The following MEI1 variants were observed in gnomAD, a reference collection of about 807,000 sequenced individuals.
MEI1 encodes meiosis inhibitor protein 1.
A neutral mutation model predicts 146.2 loss-of-function variants in MEI1; 103 were observed. The ratio of observed to expected loss-of-function variants is 0.70; its 90% confidence interval spans 0.60 to 0.83. The LOEUF is 0.83. Ranked by LOEUF, MEI1 falls within the 40% of genes least tolerant of loss-of-function variation. The pLI, the probability that MEI1 is intolerant of heterozygous loss-of-function variation, is 0.00. For missense variants in MEI1, 1,529 were observed against 1,533.0 expected, an observed-to-expected ratio of 1.00 and a Z score of 0.04; for synonymous variants, 652 against 628.2, an observed-to-expected ratio of 1.04 and a Z score of -0.57.
chr22:41,745,199 G>A (rs1298620694), intron 13 of MEI1, 135 bp downstream of exon 13: 8 of 606,968 alleles, frequency 1.3e-5, no homozygotes, highest in African/African-American at 7.7e-5. Flanking sequence ...TTTGGCTGGG[G>A]TAGGGGTTGG....
intron 19 of MEI1, 68 bp downstream of exon 19, chr22:41,763,389 CATG>C: frequency 7.1e-6 from 11 of 1,548,494 alleles, no homozygotes; most frequent in South Asian, 2.4e-5. Flanking sequence ...CCTGGGAGAC[CATG>C]ATGATGATAG....
intron 3 of MEI1, among the ~76,000 whole-genome samples, chr22:41,705,866 C>A (rs190318784): frequency 6.6e-6 from 1 of 151,806 alleles, no homozygotes; most frequent in South Asian, 2.1e-4. Context: ...TGCCACCACA[C>A]CCAGCTAATT....
At chr22:41,726,823 G>C (rs2071399879) in intron 7 of MEI1, among the ~76,000 whole-genome samples, 1 of 151,638 alleles carries the variant, frequency 6.6e-6, no homozygotes, top group Non-Finnish European at 1.5e-5. Context: ...GCCCAGGCTG[G>C]AGTGCAGTGG....
chr22:41,798,116 AACACAC>A (rs60766866), intron 30 of MEI1, among the ~76,000 whole-genome samples: 8,512 of 135,632 alleles, frequency 0.063, 232 homozygotes, highest in African/African-American at 0.079. Flanking sequence ...TCCTCAGCCC[AACACAC>A]ACACACACAC....
chr22:41,748,102 TG>T lies in MEI1; in HGVS notation c.1681-4del. 1 of 1,607,666 alleles carries T rather than the reference TG, an allele frequency of 6.2e-7. No individual in the cohort carries two copies. The highest frequency in any genetic ancestry group is 8.5e-7 in the Non-Finnish European group (1 of 1,174,256). On this transcript the variant is annotated splice_region_variant and splice_polypyrimidine_tract_variant and intron_variant, in intron 14 of 30. Transcript: ENST00000401548. ...GGCTGTGTTCTCTCTCCTGGTTCTTTGCAGAGACACTTGGAGCAGACCACCC... is the reference window on the plus strand; with the variant it reads ...GGCTGTGTTCTCTCTCCTGGTTCTTTCAGAGACACTTGGAGCAGACCACCC...
In MEI1 at chr22:41,705,509, T is replaced by C; in HGVS notation, c.304T>C (p.Leu102=). 1 of 1,613,228 alleles carries C rather than the reference T, an allele frequency of 6.2e-7. No individual in the cohort carries two copies. The highest frequency in any genetic ancestry group is 8.5e-7 in the Non-Finnish European group (1 of 1,179,380). ...IHFISVLFGL[L]CSMEDGSVTD... Reference sequence around the variant, plus strand: ...TTACCTCCCTCTGCTCCAAGGACTATTATGCAGCATGGAAGATGGGAGTGT... The same window carrying C: ...TTACCTCCCTCTGCTCCAAGGACTACTATGCAGCATGGAAGATGGGAGTGT... Residue 102 remains leucine, a synonymous_variant, in exon 3 of 31, where the codon TTA becomes CTA. Coordinates refer to ENST00000401548, the MANE Select transcript of MEI1 (RefSeq NM_152513.4).
At chr22:41,707,231 G>A (rs1291611007) in intron 3 of MEI1, among the ~76,000 whole-genome samples, 1 of 151,970 alleles carries the variant, frequency 6.6e-6, no homozygotes, top group Admixed American at 6.6e-5. Context: ...GGTTAAGTAG[G>A]TAACTGAAGA....
At chr22:41,793,313 G>A (rs1316731035) in intron 26 of MEI1, among the ~76,000 whole-genome samples, 2 of 151,672 alleles carry the variant, frequency 1.3e-5, no homozygotes, top group Non-Finnish European at 1.5e-5. Context: ...ACAGGTGTGA[G>A]CCACCACGAT....
chr22:41,717,360 G>A (rs1256864681), intron 5 of MEI1, among the ~76,000 whole-genome samples: 10 of 151,890 alleles, frequency 6.6e-5, no homozygotes, highest in African/African-American at 1.7e-4. Flanking sequence ...GTGGGGTTTC[G>A]CCATGTTGGC....
chr22:41,730,178 A>T (rs141848051), intron 8 of MEI1, among the ~76,000 whole-genome samples: 26 of 152,290 alleles, frequency 1.7e-4, no homozygotes, highest in African/African-American at 5.8e-4. Context: ...GAGATGGGAT[A>T]AAAAGTCAAG....
Position 41,778,772 on chromosome 22 carries a change from G to A in MEI1, c.2775G>A (p.Glu925=), listed in dbSNP as rs1487519201. 1.2e-6 allele frequency: 2 copies of A among 1,608,754 alleles called. No individual in the cohort carries two copies. The highest frequency in any genetic ancestry group is 8.5e-7 in the Non-Finnish European group (1 of 1,177,668). The change falls in exon 22 of 31, where the codon GAG becomes GAA. Residue 925 remains glutamate (E), a synonymous_variant. Coordinates refer to ENST00000401548, the MANE Select transcript of MEI1 (RefSeq NM_152513.4). ...LSLMQLRNVS[E]QELDSVAMKL... ...TGATGCAGCTCAGGAATGTGTCAGA[G>A]CAAGAACTGGACAGCGTGGCCATGA... is the stretch of plus-strand genomic sequence containing the variant.
intron 19 of MEI1, among the ~76,000 whole-genome samples, chr22:41,765,174 C>T (rs2074762347): frequency 6.6e-6 from 1 of 152,146 alleles, no homozygotes; most frequent in South Asian, 2.1e-4. Flanking sequence ...TGCCACCACG[C>T]CCAGCTAATT....
At chr22:41,770,199 T>G (rs1396961560) in intron 19 of MEI1, among the ~76,000 whole-genome samples, 1 of 151,938 alleles carries the variant, frequency 6.6e-6, no homozygotes, top group East Asian at 1.9e-4. Context: ...GGCCCTATGC[T>G]AAGTGCACAG....
At chr22:41,782,247 A>G (rs2075785388) in intron 24 of MEI1, among the ~76,000 whole-genome samples, 1 of 152,198 alleles carries the variant, frequency 6.6e-6, no homozygotes, top group Non-Finnish European at 1.5e-5. Flanking sequence ...AATTCAGGAC[A>G]TGCTCTGTAT....
intron 19 of MEI1, among the ~76,000 whole-genome samples, chr22:41,763,943 CTTTTTTT>C (rs71184839): frequency 3.8e-4 from 35 of 91,554 alleles, no homozygotes; most frequent in Non-Finnish European, 5.7e-4. Context: ...GGGAAGTTTC[CTTTTTTT>C]TTTTTTTTTT....
At chr22:41,713,536 G>GT (rs1212632340) in intron 3 of MEI1, among the ~76,000 whole-genome samples, 1 of 150,998 alleles carries the variant, frequency 6.6e-6, no homozygotes, top group Non-Finnish European at 1.5e-5. Context: ...ACACATAGTT[G>GT]TTTTTTTGTT....
rs373131973 is a variant in MEI1, at chr22:41,732,236, C to A, written c.1097-9C>A. The A allele has an allele frequency of 9.4e-6, 15 of 1,600,920 alleles. No homozygotes were observed. In the African/African-American group the frequency reaches 1.9e-4, roughly 20 times the overall value. Reference sequence around the variant, plus strand: ...GATCCCTGGCCTCTGTCATGTCATCCTGTGGTAGGGATCGAGGCAGTGGTG... The same window carrying A: ...GATCCCTGGCCTCTGTCATGTCATCATGTGGTAGGGATCGAGGCAGTGGTG... On this transcript the variant is annotated splice_polypyrimidine_tract_variant and intron_variant, in intron 9 of 30. Transcript: ENST00000401548.
In MEI1 at chr22:41,794,379, G is replaced by A. The variant is rs553284855; in HGVS notation, c.3436G>A (p.Val1146Met). Residue 1146 changes from valine (V) to methionine (M), a missense_variant, in exon 28 of 31, where the codon GTG becomes ATG. Coordinates refer to ENST00000401548, the MANE Select transcript of MEI1 (RefSeq NM_152513.4). ...CCCAGTGTTTCTTGAAGCTCTCCAC[G>A]TGGCCTCCCAGCCTTGGAATCGGTT... ...DARSPDIALHVASQPWNRFLL... is the reference protein window; with the variant it reads ...DARSPDIALHMASQPWNRFLL... The A allele has an allele frequency of 9.3e-6, 15 of 1,613,730 alleles. No individual in the cohort carries two copies. The South Asian group carries it at 9.9e-5, about 11-fold the overall frequency.
chr22:41,713,980 T>C (rs2069856306), intron 3 of MEI1, 22 bp from the exon 4 acceptor site: 1 of 1,566,486 alleles, frequency 6.4e-7, no homozygotes, highest in African/African-American at 1.4e-5. Flanking sequence ...TCCTGGTTAG[T>C]AATACTGTTG....
Sources: gnomAD v4.1 joint callset for allele counts (sites outside exome capture counted in the v4.1 genomes callset) on GRCh38, gnomAD v4.1.1 for gene constraint, MANE v1.5 for transcripts, NCBI Gene and HGNC (gene_info 2026-07-23, HGNC 2026-07-21) for gene names.